Variants in IL23R observed in about 807,000 individuals in gnomAD.
IL23R encodes interleukin-23 receptor.
A neutral mutation model predicts 56.9 loss-of-function variants in IL23R; 34 were observed. The ratio of observed to expected loss-of-function variants is 0.60; its 90% CI spans 0.45 to 0.80. IL23R has a LOEUF of 0.80. Among genes scored for constraint, IL23R ranks in the 30% least tolerant of loss-of-function variants. The pLI, the probability that IL23R is intolerant of heterozygous loss-of-function variation, is 0.00. For missense variants in IL23R, 635 were observed against 730.0 expected (o/e 0.87, Z 1.50); for synonymous variants, 230 against 249.2 (o/e 0.92, Z 0.73).
chr1:67,236,941 G>C, intron 8 of IL23R, 139 bp downstream of exon 8: 1 of 681,226 alleles, frequency 1.5e-6, no homozygotes, highest in Non-Finnish European at 2.7e-6. Context: ...GAAAATAATA[G>C]ACAAAGTACA....
downstream of IL23R, among the ~76,000 whole-genome samples, chr1:67,260,348 G>A (rs1653163026): frequency 6.6e-6 from 1 of 152,104 alleles, no homozygotes; most frequent in Admixed American, 6.6e-5. Flanking sequence ...TCAGCAAGAC[G>A]TAATTTTTTG....
rs35956679 is a variant in IL23R, at chr1:67,180,037, G to A, written c.368-2799G>A. On this transcript the variant is annotated intron_variant, in intron 3 of 10. Transcript: ENST00000347310. ...ATTTGCTGAGGAGTACTTTACTTCC[G>A]ACTATGTGGTCAATTTGGAAGAGGT... Among the ~76,000 whole-genome samples, 35 of 151,854 alleles carry A rather than the reference G, an allele frequency of 2.3e-4. No homozygotes were observed. In the South Asian group the frequency reaches 4.2e-3, roughly 18 times the overall value.
chr1:67,220,604 A>G (rs1650176711), intron 7 of IL23R, among the ~76,000 whole-genome samples: 1 of 152,088 alleles, frequency 6.6e-6, no homozygotes, highest in Non-Finnish European at 1.5e-5. Flanking sequence ...ACGCTGGTTT[A>G]CACCTGTAAT....
chr1:67,229,595 G>A (rs924716067), intron 7 of IL23R, among the ~76,000 whole-genome samples: 29 of 152,062 alleles, frequency 1.9e-4, no homozygotes, highest in Non-Finnish European at 2.9e-4. Context: ...CCTTCTAATC[G>A]TGCCTTGATC....
chr1:67,256,316 GA>G (rs556066295), intron 10 of IL23R, among the ~76,000 whole-genome samples: 81 of 152,284 alleles, frequency 5.3e-4, no homozygotes, highest in African/African-American at 1.9e-3. Flanking sequence ...ATGAGATGGA[GA>G]GCCAGGTGGA....
At chr1:67,214,660 T>C (rs759616386) in intron 6 of IL23R, among the ~76,000 whole-genome samples, 1 of 152,230 alleles carries the variant, frequency 6.6e-6, no homozygotes, top group Non-Finnish European at 1.5e-5. Flanking sequence ...CTTTCTATTT[T>C]CTAAACATTT....
chr1:67,173,487 C>T (rs1646969777), intron 3 of IL23R, among the ~76,000 whole-genome samples: 1 of 152,136 alleles, frequency 6.6e-6, no homozygotes, highest in African/African-American at 2.4e-5. Flanking sequence ...GACCACAACT[C>T]AAACTCCAAA....
chr1:67,180,564 T>A (rs925891743), intron 3 of IL23R, among the ~76,000 whole-genome samples: 38 of 152,348 alleles, frequency 2.5e-4, no homozygotes, highest in African/African-American at 9.1e-4. Flanking sequence ...GGGTCTTGAC[T>A]CTTTATCCAA....
chr1:67,150,569 G>A (rs1324003824), intron 1 of IL23R, among the ~76,000 whole-genome samples: 1 of 146,668 alleles, frequency 6.8e-6, no homozygotes, highest in Non-Finnish European at 1.5e-5. Context: ...ATGGCTTCCA[G>A]CTCCATCCAT....
At chr1:67,218,442 T>C (rs1200735593) in intron 6 of IL23R, among the ~76,000 whole-genome samples, 2 of 151,598 alleles carry the variant, frequency 1.3e-5, no homozygotes, top group African/African-American at 4.9e-5. Context: ...GCTTAGCTTA[T>C]AGGTATTTTT....
intron 9 of IL23R, among the ~76,000 whole-genome samples, chr1:67,253,455 C>T (rs1652763496): frequency 6.6e-6 from 1 of 152,330 alleles, no homozygotes; most frequent in South Asian, 2.1e-4. Flanking sequence ...CGAATTGGCA[C>T]TGAGTTTCTC....
chr1:67,262,364 T>C (rs2100404997), downstream of IL23R, among the ~76,000 whole-genome samples: 1 of 151,802 alleles, frequency 6.6e-6, no homozygotes, highest in East Asian at 1.9e-4. Context: ...TAAAGGAAAA[T>C]GTCAGATAAT....
downstream of IL23R, among the ~76,000 whole-genome samples, chr1:67,263,810 G>A (rs1354214279): frequency 2.0e-5 from 3 of 150,694 alleles, no homozygotes; most frequent in African/African-American, 7.3e-5. Flanking sequence ...GTTGCAGTGA[G>A]CCAAGATTGT....
At chr1:67,179,127 C>T (rs1017705487) in intron 3 of IL23R, among the ~76,000 whole-genome samples, 3 of 152,146 alleles carry the variant, frequency 2.0e-5, no homozygotes, top group Admixed American at 6.6e-5. Context: ...AGATGCTGGC[C>T]TCATAAAATG....
chr1:67,154,438 C>T (rs763444567), intron 1 of IL23R, among the ~76,000 whole-genome samples: 14 of 152,058 alleles, frequency 9.2e-5, no homozygotes, highest in Non-Finnish European at 2.1e-4. Context: ...AATCTGGATG[C>T]TCCTATATTG....
chr1:67,242,665 G>A (rs1377711717), intron 9 of IL23R, among the ~76,000 whole-genome samples: 1 of 152,144 alleles, frequency 6.6e-6, no homozygotes, highest in African/African-American at 2.4e-5. Flanking sequence ...CTGTAGTGTG[G>A]ATGGCAAGGA....
chr1:67,229,852 TC>T (rs1285805156), intron 7 of IL23R, among the ~76,000 whole-genome samples: 1 of 152,184 alleles, frequency 6.6e-6, no homozygotes, highest in Non-Finnish European at 1.5e-5. Context: ...TCTCCCTACC[TC>T]CCCAACCACT....
chr1:67,227,424 A>G (rs1306551239), intron 7 of IL23R, among the ~76,000 whole-genome samples: 1 of 88,920 alleles, frequency 1.1e-5, no homozygotes, highest in South Asian at 5.7e-4. Context: ...GAGAACTCAT[A>G]TTACTCTTTT....
intron 1 of IL23R, among the ~76,000 whole-genome samples, chr1:67,156,810 G>C (rs1242047973): frequency 6.6e-6 from 1 of 152,140 alleles, no homozygotes; most frequent in African/African-American, 2.4e-5. Context: ...CCCTTTCCAG[G>C]GCAGTGGATG....
Sources: allele counts gnomAD v4.1 joint callset (sites outside exome capture counted in the v4.1 genomes callset), GRCh38; gene constraint gnomAD v4.1.1; transcripts MANE v1.5; gene names NCBI Gene and HGNC (gene_info 2026-07-23, HGNC 2026-07-21).